The following TACC1 variants were observed in gnomAD, a reference collection of about 807,000 sequenced individuals.
TACC1 encodes the protein transforming acidic coiled-coil-containing protein 1.
A neutral mutation model predicts 84.4 loss-of-function variants in TACC1; 48 were observed. That is an observed-to-expected ratio of 0.57 (90% CI 0.45 to 0.72). The LOEUF is 0.72. Ranked by LOEUF, TACC1 falls within the 30% of genes least tolerant of loss-of-function variation. The probability of loss-of-function intolerance (pLI) is 0.00; values close to 1 mark genes in which losing one functional copy is unlikely to be tolerated. For missense variants in TACC1, 920 were observed against 973.0 expected (o/e 0.95, Z 0.72); for synonymous variants, 372 against 376.3 (o/e 0.99, Z 0.13).
chr8:38,731,836 G>T (rs908133422), intron 1 of TACC1, among the ~76,000 whole-genome samples: 1 of 152,194 alleles, frequency 6.6e-6, no homozygotes, highest in Non-Finnish European at 1.5e-5. Context: ...TGTAGGCTGG[G>T]TGTGGTGGCT....
chr8:38,821,482 A>C (rs1488435437), intron 3 of TACC1, among the ~76,000 whole-genome samples: 1 of 152,240 alleles, frequency 6.6e-6, no homozygotes, highest in Non-Finnish European at 1.5e-5. Context: ...ACTAAAATTG[A>C]TGAGAATTCT....
At chr8:38,751,608 C>G (rs867560213) in intron 3 of TACC1, among the ~76,000 whole-genome samples, 1 of 152,264 alleles carries the variant, frequency 6.6e-6, no homozygotes, top group Middle Eastern at 3.4e-3. Flanking sequence ...CACTTCATGT[C>G]TCTGTGTCAG....
intron 3 of TACC1, among the ~76,000 whole-genome samples, chr8:38,776,895 T>C (rs1442522174): frequency 6.6e-6 from 1 of 151,542 alleles, no homozygotes; most frequent in Non-Finnish European, 1.5e-5. Flanking sequence ...CCAGAGGAGG[T>C]TGTAATGTGA....
chr8:38,759,384 T>A (rs1480908256), intron 3 of TACC1, among the ~76,000 whole-genome samples: 1 of 152,248 alleles, frequency 6.6e-6, no homozygotes. Flanking sequence ...TGGCCAAGTT[T>A]ACTGTGTAAC....
intron 2 of TACC1, among the ~76,000 whole-genome samples, chr8:38,793,762 T>C (rs1486604042): frequency 2.0e-5 from 3 of 152,122 alleles, no homozygotes; most frequent in Non-Finnish European, 2.9e-5. Context: ...AATAAAGTTA[T>C]TGGAATACAG....
intron 3 of TACC1, among the ~76,000 whole-genome samples, chr8:38,765,886 TA>T (rs1415860769): frequency 1.3e-5 from 2 of 152,026 alleles, no homozygotes; most frequent in African/African-American, 4.8e-5. Flanking sequence ...ATTTTTTTTT[TA>T]CCAGCCTAGC....
At chr8:38,745,917 C>G (rs1808006035) in intron 3 of TACC1, among the ~76,000 whole-genome samples, 1 of 152,198 alleles carries the variant, frequency 6.6e-6, no homozygotes, top group Non-Finnish European at 1.5e-5. Flanking sequence ...GCGATCCCAG[C>G]TCACTGCAGC....
At chr8:38,793,471 A>T (rs1052867822) in intron 2 of TACC1, among the ~76,000 whole-genome samples, 4 of 152,090 alleles carry the variant, frequency 2.6e-5, no homozygotes, top group Admixed American at 6.5e-5. Context: ...TGGTCACACG[A>T]TTATGTGAAT....
chr8:38,836,667 G>T (rs1278714529), intron 7 of TACC1, among the ~76,000 whole-genome samples: 3 of 152,190 alleles, frequency 2.0e-5, no homozygotes, highest in Admixed American at 6.5e-5. Flanking sequence ...ATACACAGTT[G>T]TTTCCTACTT....
At chr8:38,835,200 G>A (rs1829992262) in intron 6 of TACC1, among the ~76,000 whole-genome samples, 2 of 151,384 alleles carry the variant, frequency 1.3e-5, no homozygotes, top group African/African-American at 4.9e-5. Context: ...CTTGCAGCGA[G>A]CCGAGATTGC....
At position 38,738,208 on chromosome 8, in the gene TACC1, C is replaced by T. The variant is rs552999938; in HGVS notation, c.-674-4143C>T. Among the ~76,000 whole-genome samples the T allele has an allele frequency of 7.9e-5, 12 of 151,952 alleles. No homozygotes were observed. In the East Asian group the frequency reaches 2.3e-3, roughly 29 times the overall value. ...TTGACGCTAGGAGTTCAAGACCAGC[C>T]TGGGCAATATAGTGAGACACCCCCA... On this transcript the variant is annotated intron_variant, in intron 1 of 14. Transcript: ENST00000518415.
intron 3 of TACC1, among the ~76,000 whole-genome samples, chr8:38,750,857 C>CT (rs1808900313): frequency 6.6e-6 from 1 of 152,122 alleles, no homozygotes; most frequent in African/African-American, 2.4e-5. Context: ...GCTGGCAATC[C>CT]TTTTTGAATT....
In TACC1 at chr8:38,819,612, C is replaced by A; in HGVS notation, c.368C>A (p.Pro123Gln). 6.2e-7 allele frequency: 1 copy of A among 1,614,172 alleles called. No homozygotes were observed. The highest frequency in any genetic ancestry group is 8.5e-7 in the Non-Finnish European group (1 of 1,180,030). Residue 123 changes from proline to glutamine, a missense_variant, in exon 3 of 13, where the codon CCA becomes CAA. By Grantham distance (76) the Pro-to-Gln change is moderately conservative. This residue lies in a region of TACC1 where 762 missense variants were observed against 747.3 expected (regional missense o/e 1.02). Coordinates refer to ENST00000317827, the MANE Select transcript of TACC1 (RefSeq NM_006283.3). ...TCSKPSENEVPQQAIDSHSVK... is the reference protein window; with the variant it reads ...TCSKPSENEVQQQAIDSHSVK... ...TCTAAACCTTCAGAAAATGAAGTGC[C>A]ACAGCAGGCCATTGACTCTCACTCA...
chr8:38,739,440 G>A (rs571268982), intron 1 of TACC1, among the ~76,000 whole-genome samples: 4 of 152,222 alleles, frequency 2.6e-5, no homozygotes, highest in Non-Finnish European at 5.9e-5. Flanking sequence ...TCAACCAGAT[G>A]TCAGTGCTTA....
chr8:38,735,844 G>T (rs1310232464), intron 1 of TACC1, among the ~76,000 whole-genome samples: 1 of 152,234 alleles, frequency 6.6e-6, no homozygotes, highest in African/African-American at 2.4e-5. Flanking sequence ...TAGCATAAAA[G>T]AGAAAATCTG....
At chr8:38,791,147 C>T (rs931970758) in intron 2 of TACC1, among the ~76,000 whole-genome samples, 1 of 152,158 alleles carries the variant, frequency 6.6e-6, no homozygotes, top group Non-Finnish European at 1.5e-5. Flanking sequence ...ACTGATTCAT[C>T]CCGCCAGATT....
At chr8:38,762,305 C>T (rs1318780969) in intron 3 of TACC1, among the ~76,000 whole-genome samples, 1 of 152,078 alleles carries the variant, frequency 6.6e-6, no homozygotes, top group Non-Finnish European at 1.5e-5. Context: ...GCCCCCGGCA[C>T]CCACCATCCT....
intron 4 of TACC1, among the ~76,000 whole-genome samples, chr8:38,826,447 T>C (rs866822180): frequency 3.3e-5 from 5 of 152,340 alleles, no homozygotes; most frequent in East Asian, 1.9e-4. Context: ...ATAATACTTA[T>C]CAAAACTTGC....
At chr8:38,745,174 C>T (rs113841775) in exon 3 of TACC1, 29 of 294,432 alleles carry the variant, frequency 9.8e-5, no homozygotes, top group African/African-American at 5.6e-4. Flanking sequence ...CTGATCAACC[C>T]CTGACCCACA....
Sources: allele counts gnomAD v4.1 joint callset (sites outside exome capture counted in the v4.1 genomes callset), GRCh38; gene constraint gnomAD v4.1.1; regional missense constraint gnomAD v4.1.1; transcripts MANE v1.5; gene names NCBI Gene and HGNC (gene_info 2026-07-23, HGNC 2026-07-21).